EFNA5: variants seen among roughly 807,000 people sequenced by gnomAD.
EFNA5 encodes ephrin A5.
A neutral mutation model predicts 22.9 loss-of-function variants in EFNA5; 5 were observed. The observed-to-expected ratio is 0.22, with a 90% CI of 0.11 to 0.46. The LOEUF is 0.46. Ranked by LOEUF, EFNA5 falls within the 20% of genes least tolerant of loss-of-function variation. The pLI is 0.99. For missense variants in EFNA5, 237 were observed against 293.3 expected (o/e 0.81, Z 1.40); for synonymous variants, 113 against 112.2 (o/e 1.01, Z -0.04).
intron 1 of EFNA5, among the ~76,000 whole-genome samples, chr5:107,455,659 C>CA (rs771344442): frequency 3.2e-4 from 49 of 152,106 alleles, no homozygotes; most frequent in Non-Finnish European, 6.0e-4. Context: ...AGAACAACAG[C>CA]AAAAAATTCC....
intron 1 of EFNA5, among the ~76,000 whole-genome samples, chr5:107,448,557 G>A (rs1324465725): frequency 1.3e-5 from 2 of 152,190 alleles, no homozygotes; most frequent in South Asian, 2.1e-4. Context: ...AGGGCTGGGC[G>A]CAGTGGCTCA....
intron 1 of EFNA5, among the ~76,000 whole-genome samples, chr5:107,536,896 G>C (rs1447895834): frequency 6.6e-6 from 1 of 152,072 alleles, no homozygotes; most frequent in Non-Finnish European, 1.5e-5. Context: ...CATGAGGTCA[G>C]GAGTTTGAGA....
In EFNA5 at chr5:107,608,382, T is replaced by A. The variant is rs1749763612; in HGVS notation, c.125+62107A>T. Among the ~76,000 whole-genome samples the A allele has an allele frequency of 2.0e-5, 3 of 152,228 alleles. No homozygotes were observed. The South Asian group carries it at 6.2e-4, about 32-fold the overall frequency. ...GATTCCCATGCTGTGGTCCACAGTCTCATACACAACTTAAAATGTTAAGCC... is the reference window on the plus strand; with the variant it reads ...GATTCCCATGCTGTGGTCCACAGTCACATACACAACTTAAAATGTTAAGCC... On this transcript the variant is annotated intron_variant, in intron 1 of 4. Coordinates refer to ENST00000333274, the MANE Select transcript of EFNA5 (RefSeq NM_001962.3).
At chr5:107,483,034 C>T (rs556668185) in intron 1 of EFNA5, among the ~76,000 whole-genome samples, 3 of 152,020 alleles carry the variant, frequency 2.0e-5, no homozygotes, top group East Asian at 1.9e-4. Context: ...GAAAACAATT[C>T]GTAGAACTAA....
intron 1 of EFNA5, among the ~76,000 whole-genome samples, chr5:107,643,050 A>T (rs959962884): frequency 6.6e-6 from 1 of 152,156 alleles, no homozygotes. Context: ...TATTGAGACA[A>T]ATCAGTAGGT....
intron 2 of EFNA5, among the ~76,000 whole-genome samples, chr5:107,413,287 G>A (rs1011458585): frequency 2.6e-5 from 4 of 152,140 alleles, no homozygotes; most frequent in African/African-American, 9.7e-5. Flanking sequence ...AAAAATGACT[G>A]TTGTCTAACC....
rs1554065956 is a variant in EFNA5 at position 107,546,651 on chromosome 5, A to AACATAC, written c.126-119143_126-119142insGTATGT. Among the ~76,000 whole-genome samples, 430 of 121,346 alleles carry AACATAC rather than the reference A, an allele frequency of 3.5e-3. 3 individuals carry two copies. The highest frequency in any genetic ancestry group is 0.012 in the African/African-American group (372 of 31,604). The allele number at this position is 121,346 out of a possible 152,430, so 79.6% of individuals were successfully genotyped here. A position where few individuals can be genotyped will look rare whatever the true frequency, so the allele number is the denominator to read the frequency against. ...AGTTGAAGGTTTTTCTGGTGCGTAA[A>AACATAC]ACACACACACACACACACACACACA... On this transcript the variant is annotated intron_variant, in intron 1 of 4. Transcript: ENST00000333274.
intron 1 of EFNA5, among the ~76,000 whole-genome samples, chr5:107,669,236 C>G (rs1561465421): frequency 6.6e-6 from 1 of 152,066 alleles, no homozygotes; most frequent in Non-Finnish European, 1.5e-5. Context: ...TACCCTCTCT[C>G]CTGGAGCCCG....
Position 107,635,536 on chromosome 5 carries a change from A to G in EFNA5, c.125+34953T>C, listed in dbSNP as rs576273095. 2.6e-5 allele frequency among the ~76,000 whole-genome samples: 4 copies of G among 152,292 alleles called. No individual in the cohort carries two copies. The South Asian group carries it at 8.3e-4, about 32-fold the overall frequency. ...ATTTTTTCACCACTTTTCAATGTGT[A>G]AGTGCTTCTTTTTTCTTAACCCCAG... On this transcript the variant is annotated intron_variant, in intron 1 of 4. Coordinates refer to ENST00000333274, the MANE Select transcript of EFNA5 (RefSeq NM_001962.3).
chr5:107,417,716 AT>A (rs956532319), intron 2 of EFNA5, among the ~76,000 whole-genome samples: 3 of 152,118 alleles, frequency 2.0e-5, no homozygotes. Context: ...GCCTAGAGAT[AT>A]TTTTTTAGCA....
At chr5:107,601,638 A>C (rs1749596943) in intron 1 of EFNA5, among the ~76,000 whole-genome samples, 1 of 152,248 alleles carries the variant, frequency 6.6e-6, no homozygotes, top group Non-Finnish European at 1.5e-5. Flanking sequence ...AATTGCCTGC[A>C]ACTGACATTA....
chr5:107,482,860 CTCTCTCTCTCTATATA>C (rs1423031045), intron 1 of EFNA5, among the ~76,000 whole-genome samples: 1,853 of 87,720 alleles, frequency 0.021, 12 homozygotes, highest in South Asian at 0.044. Flanking sequence ...CTCTCTCTCT[CTCTCTCTCTCTATATA>C]TATATATATA....
intron 1 of EFNA5, among the ~76,000 whole-genome samples, chr5:107,546,378 C>T (rs962099187): frequency 3.3e-5 from 5 of 152,112 alleles, no homozygotes; most frequent in African/African-American, 9.7e-5. Context: ...CAGCTATGAG[C>T]GGAAATGTAT....
At chr5:107,477,287 T>C (rs1750337940) in intron 1 of EFNA5, among the ~76,000 whole-genome samples, 1 of 152,248 alleles carries the variant, frequency 6.6e-6, no homozygotes, top group African/African-American at 2.4e-5. Flanking sequence ...TATGTAAGAC[T>C]TTCTCTTCCA....
chr5:107,491,669 A>T (rs1418261793), intron 1 of EFNA5, among the ~76,000 whole-genome samples: 1 of 152,120 alleles, frequency 6.6e-6, no homozygotes, highest in Non-Finnish European at 1.5e-5. Flanking sequence ...TTATGACTTT[A>T]TATGTGTATC....
At chr5:107,520,475 T>C (rs953193593) in intron 1 of EFNA5, among the ~76,000 whole-genome samples, 20 of 152,252 alleles carry the variant, frequency 1.3e-4, no homozygotes, top group African/African-American at 4.6e-4. Flanking sequence ...TACTTTCAGT[T>C]GGCTATGCTG....
intron 1 of EFNA5, among the ~76,000 whole-genome samples, chr5:107,586,367 G>T (rs1036558560): frequency 1.8e-4 from 27 of 152,100 alleles, no homozygotes; most frequent in African/African-American, 6.5e-4. Context: ...CCTAACTAGG[G>T]CTATTGAGTA....
At chr5:107,619,865 C>T (rs1471050769) in intron 1 of EFNA5, among the ~76,000 whole-genome samples, 1 of 148,780 alleles carries the variant, frequency 6.7e-6, no homozygotes. Context: ...ACAGCTTACT[C>T]GTTTCTCTAA....
intron 2 of EFNA5, 190 bp downstream of exon 2, chr5:107,427,027 G>A (rs527866637): frequency 9.5e-5 from 59 of 620,856 alleles, no homozygotes; most frequent in African/African-American, 7.9e-4. Context: ...AGGGGGAGAC[G>A]CGCTCTGTCT....
Sources: allele counts gnomAD v4.1 joint callset (sites outside exome capture counted in the v4.1 genomes callset), GRCh38; gene constraint gnomAD v4.1.1; transcripts MANE v1.5; gene names NCBI Gene and HGNC (gene_info 2026-07-23, HGNC 2026-07-21).